The following SYT16 variants were observed in gnomAD, a reference collection of about 807,000 sequenced individuals.
SYT16 encodes synaptotagmin 16.
A neutral mutation model predicts 61.4 loss-of-function variants in SYT16; 42 were observed. The observed-to-expected ratio is 0.68, with a 90% CI of 0.53 to 0.89. The LOEUF is 0.89. Among genes scored for constraint, SYT16 ranks in the 40% least tolerant of loss-of-function variants. The probability of loss-of-function intolerance (pLI) is 0.00; values close to 1 mark genes in which losing one functional copy is unlikely to be tolerated. For missense variants in SYT16, 804 were observed against 807.3 expected (o/e 1.00, Z 0.05); for synonymous variants, 314 against 302.3 (o/e 1.04, Z -0.40).
rs1169217170 is a variant in SYT16, at chr14:61,845,609, T to C, written c.-325+32799T>C. The stretch of plus-strand genomic sequence containing the variant: ...TTTTTTCTTAGTCTGGCTAAAGGTT[T>C]CTGAATTTTGTTTAGCTTTTCAAAA... On this transcript the variant is annotated intron_variant, in intron 1 of 7. Coordinates refer to ENST00000683842, the MANE Select transcript of SYT16 (RefSeq NM_001367656.1). Among the ~76,000 whole-genome samples, 5 of 152,212 alleles carry C rather than the reference T, an allele frequency of 3.3e-5. No individual in the cohort carries two copies. The South Asian group carries it at 6.2e-4, about 19-fold the overall frequency.
chr14:62,000,581 T>A (rs61365373), intron 3 of SYT16, among the ~76,000 whole-genome samples: 71,073 of 151,772 alleles, frequency 0.47, 16,980 homozygotes, highest in East Asian at 0.75. Flanking sequence ...ATCTGTCTTC[T>A]TGCTAGATTG....
chr14:62,014,747 T>A (rs2053600503), intron 3 of SYT16, among the ~76,000 whole-genome samples: 1 of 152,154 alleles, frequency 6.6e-6, no homozygotes, highest in East Asian at 1.9e-4. Flanking sequence ...TTCTCTATTT[T>A]TATGTTATTT....
intron 1 of SYT16, among the ~76,000 whole-genome samples, chr14:61,819,874 A>T (rs1405546059): frequency 6.6e-6 from 1 of 152,224 alleles, no homozygotes; most frequent in Admixed American, 6.5e-5. Flanking sequence ...CACTCTGAGG[A>T]ATTACAAGGA....
At chr14:61,986,317 A>G (rs373289615) in intron 2 of SYT16, among the ~76,000 whole-genome samples, 3 of 151,966 alleles carry the variant, frequency 2.0e-5, no homozygotes, top group Admixed American at 1.3e-4. Context: ...CAAATTTATG[A>G]TGTCTGAATT....
At chr14:62,098,350 A>C (rs1363584306) in intron 7 of SYT16, among the ~76,000 whole-genome samples, 1 of 152,244 alleles carries the variant, frequency 6.6e-6, no homozygotes, top group Admixed American at 6.5e-5. Flanking sequence ...TAATGTGTGC[A>C]TGTTAGTAGT....
At chr14:62,023,256 T>C (rs900693950) in intron 3 of SYT16, among the ~76,000 whole-genome samples, 1 of 152,188 alleles carries the variant, frequency 6.6e-6, no homozygotes, top group African/African-American at 2.4e-5. Flanking sequence ...ATTGCAGTCT[T>C]ACCTTTGTTC....
intron 1 of SYT16, among the ~76,000 whole-genome samples, chr14:61,834,530 C>T (rs1043877327): frequency 1.4e-5 from 2 of 146,204 alleles, no homozygotes; most frequent in East Asian, 2.0e-4. Flanking sequence ...CTCTGCCTCC[C>T]GGGTTTAAGT....
chr14:61,835,347 C>T (rs956994320), intron 1 of SYT16, among the ~76,000 whole-genome samples: 2 of 150,554 alleles, frequency 1.3e-5, no homozygotes, highest in Non-Finnish European at 2.9e-5. Flanking sequence ...CAACCTCCTC[C>T]TTCTGGGTTC....
At chr14:61,832,004 C>A (rs1321522399) in intron 1 of SYT16, 26 of 662,162 alleles carry the variant, frequency 3.9e-5, no homozygotes, top group Non-Finnish European at 5.5e-5. Context: ...ACACACAGCG[C>A]TTCTCCCAGA....
chr14:61,968,445 A>G (rs1313224307), intron 1 of SYT16, among the ~76,000 whole-genome samples: 5 of 152,180 alleles, frequency 3.3e-5, no homozygotes, highest in African/African-American at 1.2e-4. Flanking sequence ...AGAGTGGCTG[A>G]CAGTATAGGA....
intron 3 of SYT16, among the ~76,000 whole-genome samples, chr14:62,036,166 G>C (rs149216794): frequency 1.3e-5 from 2 of 152,266 alleles, no homozygotes; most frequent in African/African-American, 4.8e-5. Flanking sequence ...TGTTTTCTGT[G>C]GGAGGTGGAG....
At chr14:62,029,554 C>G (rs1595198471) in intron 3 of SYT16, among the ~76,000 whole-genome samples, 2 of 152,250 alleles carry the variant, frequency 1.3e-5, no homozygotes, top group Non-Finnish European at 1.5e-5. Flanking sequence ...GAGTTCTATT[C>G]CCAGAATAGC....
chr14:61,817,006 G>A (rs1043428312), intron 1 of SYT16, among the ~76,000 whole-genome samples: 6 of 36,102 alleles, frequency 1.7e-4, no homozygotes, highest in Non-Finnish European at 2.4e-4. Context: ...GTGAGGCTCC[G>A]TCACACACAC....
At chr14:61,819,134 A>G (rs938159513) in intron 1 of SYT16, among the ~76,000 whole-genome samples, 4 of 152,216 alleles carry the variant, frequency 2.6e-5, no homozygotes, top group African/African-American at 9.6e-5. Flanking sequence ...TTTGGTCTAT[A>G]TGTTTTATAA....
intron 1 of SYT16, among the ~76,000 whole-genome samples, chr14:61,846,851 G>A (rs1458320475): frequency 1.3e-5 from 2 of 151,986 alleles, no homozygotes; most frequent in Non-Finnish European, 2.9e-5. Context: ...AAGTTACCAT[G>A]AGGCTTGCAA....
rs554352070 is a variant in SYT16, at chr14:62,111,971, A to G, written c.*11264A>G. ...GCTGTAGAATGTAATGACCCATCCT[A>G]TTTCTAAATTTACTTCTATCAGTGG... On this transcript the variant is annotated 3_prime_UTR_variant, in exon 8 of 8. Coordinates refer to ENST00000683842, the MANE Select transcript of SYT16 (RefSeq NM_001367656.1). 1 of 152,178 alleles carries G rather than the reference A, an allele frequency of 6.6e-6. No individual in the cohort carries two copies. The highest frequency in any genetic ancestry group is 2.4e-5 in the African/African-American group (1 of 41,556). 9.4% of individuals were successfully genotyped at this position (152,178 alleles called of 1,614,324 possible). A position where few individuals can be genotyped will look rare whatever the true frequency, so the allele number is the denominator to read the frequency against.
chr14:61,986,138 T>G (rs1017521303), intron 2 of SYT16, among the ~76,000 whole-genome samples: 1 of 152,032 alleles, frequency 6.6e-6, no homozygotes, highest in African/African-American at 2.4e-5. Context: ...CATTCCACTG[T>G]CTCTCCTAAT....
At chr14:61,830,841 C>A (rs887172999) in intron 1 of SYT16, among the ~76,000 whole-genome samples, 4 of 152,154 alleles carry the variant, frequency 2.6e-5, no homozygotes, top group African/African-American at 4.8e-5. Flanking sequence ...GAGCTCCAAT[C>A]CATTCCAGTG....
intron 1 of SYT16, among the ~76,000 whole-genome samples, chr14:61,931,346 T>A (rs1424079218): frequency 1.3e-5 from 2 of 152,216 alleles, no homozygotes; most frequent in Admixed American, 6.5e-5. Flanking sequence ...AGCCAACATA[T>A]ATTCTTTCTC....
Sources: allele counts gnomAD v4.1 joint callset (sites outside exome capture counted in the v4.1 genomes callset), GRCh38; gene constraint gnomAD v4.1.1; transcripts MANE v1.5; gene names NCBI Gene and HGNC (gene_info 2026-07-23, HGNC 2026-07-21).